Variants in CAP2 observed in about 807,000 individuals in gnomAD.
CAP2 encodes adenylyl cyclase-associated protein 2.
Under a neutral mutation model 57.7 loss-of-function variants are expected in CAP2, and 24 were observed. The observed-to-expected ratio is 0.42, with a 90% confidence interval of 0.30 to 0.58. The LOEUF (loss-of-function observed/expected upper bound fraction) is 0.58, where lower values mean the gene tolerates loss of function less well. CAP2 is among the 20% of genes least tolerant of loss of function. The pLI is 0.22. For synonymous variants in CAP2, 194 were observed against 207.2 expected (o/e 0.94, Z 0.55); for missense variants, 501 against 590.3 (o/e 0.85, Z 1.57).
chr6:17,493,260 C>T lies in CAP2; in HGVS notation c.301-13909C>T, dbSNP rs114305872. The stretch of plus-strand genomic sequence containing the variant: ...TTTAGTATAAAAATGCAAGCTAGAC[C>T]ACCAGCATCCACTCATATAACCCAA... On this transcript the variant is annotated intron_variant, in intron 4 of 12. Transcript: ENST00000229922. 458 of 190,202 alleles carry T rather than the reference C, an allele frequency of 2.4e-3. 3 individuals carry two copies. The highest frequency in any genetic ancestry group is 9.7e-3 in the African/African-American group (419 of 43,214). The allele number at this position is 190,202 out of a possible 1,614,324, so 11.8% of individuals were successfully genotyped here.
chr6:17,536,390 C>T (rs568975515), intron 7 of CAP2: 39 of 433,132 alleles, frequency 9.0e-5, no homozygotes, highest in South Asian at 5.6e-4. Context: ...AACAAGAGCC[C>T]GGTATTGTGC....
At chr6:17,413,546 C>T (rs1451373985) in intron 1 of CAP2, among the ~76,000 whole-genome samples, 1 of 152,026 alleles carries the variant, frequency 6.6e-6, no homozygotes, top group Non-Finnish European at 1.5e-5. Flanking sequence ...GAGCATTGTG[C>T]CTAGTAGACA....
At chr6:17,461,305 C>T (rs903804882) in intron 3 of CAP2, among the ~76,000 whole-genome samples, 3 of 151,902 alleles carry the variant, frequency 2.0e-5, no homozygotes, top group African/African-American at 7.3e-5. Context: ...CGGCTCACTG[C>T]AGCCTCTGCC....
At chr6:17,411,988 GT>G (rs893469662) in intron 1 of CAP2, among the ~76,000 whole-genome samples, 4 of 152,208 alleles carry the variant, frequency 2.6e-5, no homozygotes, top group Non-Finnish European at 4.4e-5. Context: ...TCTATCTCGT[GT>G]TTAGCTAAGC....
chr6:17,479,996 C>A (rs2113620621), intron 4 of CAP2, among the ~76,000 whole-genome samples: 1 of 152,182 alleles, frequency 6.6e-6, no homozygotes, highest in Middle Eastern at 3.4e-3. Context: ...AACAATCCCA[C>A]CACTCTCTGA....
At position 17,437,803 on chromosome 6, in the gene CAP2, G is replaced by C. The variant is rs576616951; in HGVS notation, c.222+11113G>C. ...GAGGCAGGAGAATAGCTTGAATCTG[G>C]GAGGTGGAGTTTGCAGTGAACAGAG... On this transcript the variant is annotated intron_variant, in intron 3 of 12. Coordinates refer to ENST00000229922, the MANE Select transcript of CAP2 (RefSeq NM_006366.3). 4.9e-4 allele frequency among the ~76,000 whole-genome samples: 75 copies of C among 152,196 alleles called. 4 individuals carry two copies. The South Asian group carries it at 0.015, about 30-fold the overall frequency.
intron 1 of CAP2, among the ~76,000 whole-genome samples, chr6:17,415,829 T>C (rs961418710): frequency 6.6e-6 from 1 of 152,140 alleles, no homozygotes; most frequent in Admixed American, 6.6e-5. Context: ...ACCATTGACA[T>C]TGCGCCATGG....
Position 17,513,921 on chromosome 6 carries a change from A to G in CAP2, c.603A>G (p.Glu201=), listed in dbSNP as rs545561066. Residue 201 remains glutamate, a synonymous_variant, in exon 7 of 13, where the codon GAA becomes GAG. Coordinates refer to ENST00000229922, the MANE Select transcript of CAP2 (RefSeq NM_006366.3). This position sits in a 1 kb window ranked among gnomAD's most constrained non-coding sequence, Gnocchi z 4.3. ...IWSELQAYIK[E]HHTTGLTWSK... ...GTGAACTTCAAGCATACATCAAGGA[A>G]CACCACACCACGGGCCTCACATGGA... 1 of 1,613,434 alleles carries G rather than the reference A, an allele frequency of 6.2e-7. No individual in the cohort carries two copies. The highest frequency in any genetic ancestry group is 1.7e-5 in the Admixed American group (1 of 60,024).
At chr6:17,465,976 C>G (rs1486611410) in intron 4 of CAP2, among the ~76,000 whole-genome samples, 1 of 152,128 alleles carries the variant, frequency 6.6e-6, no homozygotes, top group African/African-American at 2.4e-5. Flanking sequence ...TCCTTAGTTG[C>G]AGACTCTGAA....
At chr6:17,428,547 T>C (rs1393004448) in intron 3 of CAP2, among the ~76,000 whole-genome samples, 1 of 149,092 alleles carries the variant, frequency 6.7e-6, no homozygotes, top group Non-Finnish European at 1.5e-5. Context: ...TTTCGCATAT[T>C]CTCACTCATA....
chr6:17,524,417 G>A (rs1218040227), intron 7 of CAP2, among the ~76,000 whole-genome samples: 1 of 152,108 alleles, frequency 6.6e-6, no homozygotes, highest in Non-Finnish European at 1.5e-5. Context: ...CCCCAAAAGT[G>A]GGGCTTAGCC....
At chr6:17,530,166 G>A (rs540236671) in intron 7 of CAP2, among the ~76,000 whole-genome samples, 17 of 152,106 alleles carry the variant, frequency 1.1e-4, no homozygotes, top group East Asian at 9.7e-4. Context: ...TCAATCTCCC[G>A]GGATCAAGCA....
At chr6:17,421,505 C>A in intron 1 of CAP2, 50 bp from the exon 2 acceptor site, 1 of 1,608,612 alleles carries the variant, frequency 6.2e-7, no homozygotes, top group Non-Finnish European at 8.5e-7. Context: ...TTGGTTTACT[C>A]ATCCTCCCTG....
At chr6:17,414,053 CAA>C (rs34468074) in intron 1 of CAP2, among the ~76,000 whole-genome samples, 81 of 95,704 alleles carry the variant, frequency 8.5e-4, no homozygotes, top group African/African-American at 1.8e-3. Context: ...GACTCTGTCT[CAA>C]AAAAAAAAAA....
chr6:17,485,449 C>T (rs112563932), intron 4 of CAP2, among the ~76,000 whole-genome samples: 1,748 of 152,248 alleles, frequency 0.011, 34 homozygotes, highest in African/African-American at 0.039. Flanking sequence ...AGCTTGGTAA[C>T]CAGTGAGAAT....
intron 8 of CAP2, 64 bp downstream of exon 8, chr6:17,539,522 G>A: frequency 8.0e-7 from 1 of 1,252,802 alleles, no homozygotes; most frequent in Non-Finnish European, 1.1e-6. Flanking sequence ...ACACAAAAGA[G>A]CCGCTGGAGC....
chr6:17,548,432 A>G (rs1763102631), intron 11 of CAP2, among the ~76,000 whole-genome samples: 1 of 152,158 alleles, frequency 6.6e-6, no homozygotes, highest in East Asian at 1.9e-4. Context: ...TGAAACAGCT[A>G]TTTTGTTGCT....
At chr6:17,533,912 C>A (rs1232631341) in intron 7 of CAP2, among the ~76,000 whole-genome samples, 4 of 152,126 alleles carry the variant, frequency 2.6e-5, no homozygotes, top group South Asian at 2.1e-4. Context: ...TCCAATAGAA[C>A]GTACTTTTTC....
intron 4 of CAP2, among the ~76,000 whole-genome samples, chr6:17,472,993 G>A (rs1455474026): frequency 6.6e-6 from 1 of 152,056 alleles, no homozygotes; most frequent in African/African-American, 2.4e-5. Context: ...AGGCAGAAGG[G>A]ATTTGCTAAG....
Sources: allele counts gnomAD v4.1 joint callset (sites outside exome capture counted in the v4.1 genomes callset), GRCh38; gene constraint gnomAD v4.1.1; non-coding constraint Gnocchi (gnomAD v3.1); transcripts MANE v1.5; gene names NCBI Gene and HGNC (gene_info 2026-07-23, HGNC 2026-07-21).